The following G3BP1 variants were observed in gnomAD, a reference collection of about 807,000 sequenced individuals.
The protein encoded by G3BP1 is G3BP stress granule assembly factor 1.
In G3BP1, 35 loss-of-function variants were observed where a neutral mutation model predicts 58.6. The observed-to-expected ratio is 0.60, with a 90% CI of 0.46 to 0.79. The LOEUF (loss-of-function observed/expected upper bound fraction) is 0.79. G3BP1 is among the 30% of genes least tolerant of loss of function. The probability of loss-of-function intolerance (pLI) is 0.00; values close to 1 mark genes in which losing one functional copy is unlikely to be tolerated. For synonymous variants in G3BP1, 191 were observed against 195.4 expected, an observed-to-expected ratio of 0.98 and a Z score of 0.19; for missense variants, 523 against 580.8, an observed-to-expected ratio of 0.90 and a Z score of 1.02.
Position 151,791,012 on chromosome 5 carries a change from A to C in G3BP1, c.301A>C (p.Asn101His). Residue 101 changes from asparagine (N) to histidine (H), a missense_variant, in exon 4 of 12, where the codon AAC (asparagine) becomes CAC (histidine). By Grantham distance (68) the Asn-to-His change is moderately conservative. Transcript: ENST00000356245. ...CCAGGTGATGGGGCTTCTCTCTAAC[A>C]ACAACCAGGCTTTGAGGAGATTCAT... ...VVQVMGLLSNNNQALRRFMQT... is the reference protein window; with the variant it reads ...VVQVMGLLSNHNQALRRFMQT... The C allele has an allele frequency of 6.2e-7, 1 of 1,613,928 alleles. No homozygotes were observed. The highest frequency in any genetic ancestry group is 8.5e-7 in the Non-Finnish European group (1 of 1,179,890).
At chr5:151,795,126 A>G (rs1490286475) in intron 5 of G3BP1, among the ~76,000 whole-genome samples, 1 of 152,168 alleles carries the variant, frequency 6.6e-6, no homozygotes, top group Admixed American at 6.5e-5. Context: ...AAATACAAAA[A>G]ATTAGCCAGG....
At chr5:151,792,688 T>C (rs909900249) in intron 4 of G3BP1, among the ~76,000 whole-genome samples, 20 of 151,426 alleles carry the variant, frequency 1.3e-4, no homozygotes, top group Admixed American at 3.3e-4. Context: ...ACTGCAGCCT[T>C]GACTGCCTGG....
In G3BP1 at chr5:151,811,682, A is replaced by C. The variant is rs556680910; in HGVS notation, c.*7591A>C. The C allele has an allele frequency of 6.6e-6, 1 of 152,126 alleles. No individual in the cohort carries two copies. The highest frequency in any genetic ancestry group is 2.1e-4 in the South Asian group (1 of 4,812). 9.4% of individuals were successfully genotyped at this position (152,126 alleles called of 1,614,324 possible). ...TGCCATAACTTTTGTGACTTCATGC[A>C]AAAAAAGGGGGGAAGAGTAAGGGGC... On this transcript the variant is annotated 3_prime_UTR_variant, in exon 12 of 12. Transcript: ENST00000356245.
In G3BP1 at chr5:151,800,224, AG is replaced by A; in HGVS notation, c.964del (p.Ala322LeufsTer13). The A allele has an allele frequency of 6.2e-7, 1 of 1,612,460 alleles. No individual in the cohort carries two copies. Among genetic ancestry groups the A allele is most frequent in the Non-Finnish European group, 8.5e-7 (1 of 1,179,838 alleles). ...PPQRGPRPIR[E>X]AGEQGDIEPR... ...GTTTTTGTCTCCTTTTAAGTCCGTGAGGCTGGTGAGCAAGGTGACATTGAAC... is the reference window on the plus strand; with the variant it reads ...GTTTTTGTCTCCTTTTAAGTCCGTGAGCTGGTGAGCAAGGTGACATTGAAC... On this transcript the variant is annotated frameshift_variant, in exon 10 of 12. Coordinates refer to ENST00000356245, the MANE Select transcript of G3BP1 (RefSeq NM_005754.3). LOFTEE classifies it high-confidence loss of function.
chr5:151,802,876 T>C (rs1762876992), intron 11 of G3BP1, among the ~76,000 whole-genome samples: 1 of 152,100 alleles, frequency 6.6e-6, no homozygotes, highest in Non-Finnish European at 1.5e-5. Flanking sequence ...GAGCTTGCAG[T>C]GAGCCGAGAT....
chr5:151,786,924 C>A, intron 2 of G3BP1: 1 of 332,920 alleles, frequency 3.0e-6, no homozygotes, highest in East Asian at 5.0e-5. Flanking sequence ...CTGACTGCAA[C>A]GTCCACCTCC....
chr5:151,797,808 A>T (rs948250906), intron 7 of G3BP1, among the ~76,000 whole-genome samples: 1 of 152,260 alleles, frequency 6.6e-6, no homozygotes, highest in Non-Finnish European at 1.5e-5. Flanking sequence ...ATGGCAGAAT[A>T]TACTTTTTCT....
At chr5:151,788,496 T>C (rs545107060) in intron 2 of G3BP1, among the ~76,000 whole-genome samples, 200 of 151,438 alleles carry the variant, frequency 1.3e-3, no homozygotes, top group African/African-American at 4.4e-3. Flanking sequence ...CCTCCAGGGC[T>C]CAAGTGATCC....
chr5:151,792,276 C>G, intron 4 of G3BP1: 1 of 249,420 alleles, frequency 4.0e-6, no homozygotes, highest in Admixed American at 5.3e-5. Context: ...TCATTGTTTT[C>G]TCTAGCATTA....
intron 1 of G3BP1, among the ~76,000 whole-genome samples, chr5:151,779,471 T>C (rs1762430436): frequency 6.6e-6 from 1 of 152,230 alleles, no homozygotes; most frequent in Non-Finnish European, 1.5e-5. Flanking sequence ...TAGTTGTCCA[T>C]GTGGATATGT....
rs773515000 is a variant in G3BP1 at position 151,804,123 on chromosome 5, C to T, written c.*32C>T. 2 of 1,477,214 alleles carry T rather than the reference C, an allele frequency of 1.4e-6. No individual in the cohort carries two copies. 91.5% of individuals were successfully genotyped at this position (1,477,214 alleles called of 1,614,324 possible). ...ATGGATCTTCATGCAGCCATACAAA[C>T]CCTGGTTCCAACAGAATGGTGAATT... On this transcript the variant is annotated 3_prime_UTR_variant, in exon 12 of 12. Transcript: ENST00000356245.
At chr5:151,790,302 A>G in intron 2 of G3BP1, 21 bp from the exon 3 acceptor site, 2 of 1,309,432 alleles carry the variant, frequency 1.5e-6, no homozygotes, top group Non-Finnish European at 2.2e-6. Flanking sequence ...ATGACAAGTA[A>G]ATCATCTTCC....
At chr5:151,793,762 G>A (rs1011703375) in intron 4 of G3BP1, among the ~76,000 whole-genome samples, 50 of 150,762 alleles carry the variant, frequency 3.3e-4, no homozygotes, top group African/African-American at 1.2e-3. Flanking sequence ...GGATGCTGAG[G>A]CGGGAGGACC....
rs1762966656 is a variant in G3BP1, at chr5:151,808,262, G to T, written c.*4171G>T. 1 of 152,234 alleles carries T rather than the reference G, an allele frequency of 6.6e-6. No homozygotes were observed. Among genetic ancestry groups the T allele is most frequent in the African/African-American group, 2.4e-5 (1 of 41,464 alleles). The allele number at this position is 152,234 out of a possible 1,614,324, so 9.4% of individuals were successfully genotyped here. A position where few individuals can be genotyped will look rare whatever the true frequency, so the allele number is the denominator to read the frequency against. ...TAGTAAAGGAGAGATGGTGGCACATGTGAGATAAAACTTGTTTATATTTAC... is the reference window on the plus strand; with the variant it reads ...TAGTAAAGGAGAGATGGTGGCACATTTGAGATAAAACTTGTTTATATTTAC... On this transcript the variant is annotated 3_prime_UTR_variant, in exon 12 of 12. Transcript: ENST00000356245.
intron 1 of G3BP1, among the ~76,000 whole-genome samples, chr5:151,777,559 C>T (rs1762394813): frequency 6.6e-6 from 1 of 151,930 alleles, no homozygotes; most frequent in Non-Finnish European, 1.5e-5. Context: ...TGACAATAAA[C>T]TGCATGTTTT....
chr5:151,784,038 A>G (rs1762516729), intron 1 of G3BP1, among the ~76,000 whole-genome samples: 1 of 152,196 alleles, frequency 6.6e-6, no homozygotes, highest in African/African-American at 2.4e-5. Flanking sequence ...TGGAATTAAC[A>G]GGCGTGAGCC....
intron 6 of G3BP1, 100 bp downstream of exon 6, chr5:151,795,675 C>A: frequency 1.7e-6 from 1 of 598,062 alleles, no homozygotes; most frequent in African/African-American, 1.9e-5. Flanking sequence ...AGAATTACCT[C>A]AAAATAATAA....
chr5:151,802,751 G>A (rs1044072810), intron 11 of G3BP1, among the ~76,000 whole-genome samples: 2 of 152,166 alleles, frequency 1.3e-5, no homozygotes, highest in Admixed American at 6.5e-5. Flanking sequence ...GGCTAACACG[G>A]TGAAACCCCG....
intron 4 of G3BP1, among the ~76,000 whole-genome samples, chr5:151,793,831 CAAAAAAA>C (rs751382380): frequency 1.3e-4 from 13 of 97,804 alleles, no homozygotes; most frequent in East Asian, 9.5e-4. Context: ...CGTCTCTACT[CAAAAAAA>C]AAAAAAAAAA....
Sources: allele counts gnomAD v4.1 joint callset (sites outside exome capture counted in the v4.1 genomes callset), GRCh38; gene constraint gnomAD v4.1.1; transcripts MANE v1.5; gene names NCBI Gene and HGNC (gene_info 2026-07-23, HGNC 2026-07-21).